Variants in IFT46 observed in about 807,000 individuals in gnomAD.
The protein encoded by IFT46 is intraflagellar transport protein 46 homolog.
Under a neutral mutation model 39.6 loss-of-function variants are expected in IFT46, and 19 were observed. That is an observed-to-expected ratio of 0.48 (90% CI 0.33 to 0.70). The LOEUF is 0.70. IFT46 is among the 30% of genes least tolerant of loss of function. The pLI, the probability that IFT46 is intolerant of heterozygous loss-of-function variation, is 0.01. For missense variants in IFT46, 334 were observed against 364.8 expected (o/e 0.92, Z 0.69); for synonymous variants, 117 against 134.8 (o/e 0.87, Z 0.91).
At chr11:118,561,451 G>C in intron 2 of IFT46, 1 of 792,530 alleles carries the variant, frequency 1.3e-6, no homozygotes, top group Admixed American at 2.0e-5. Flanking sequence ...TCTATGAAAA[G>C]AGGCCCAAGA....
At chr11:118,557,184 AGG>A in intron 3 of IFT46, 139 bp from the exon 4 acceptor site, 1 of 713,184 alleles carries the variant, frequency 1.4e-6, no homozygotes, top group Non-Finnish European at 2.1e-6. Context: ...ACTTCCCAGA[AGG>A]GGCTTGAGAG....
upstream of IFT46, among the ~76,000 whole-genome samples, chr11:118,576,445 AAAAAC>A (rs1173841029): frequency 1.3e-5 from 2 of 148,378 alleles, no homozygotes; most frequent in Non-Finnish European, 3.0e-5. Flanking sequence ...AAAAAAAAAA[AAAAAC>A]CAAAAACTTT....
chr11:118,554,398 G>A (rs918031235), intron 7 of IFT46, 61 bp downstream of exon 7: 4 of 1,495,106 alleles, frequency 2.7e-6, no homozygotes, highest in Non-Finnish European at 3.6e-6. Context: ...ATGAGTGCCA[G>A]CAAGGCCTCC....
chr11:118,568,566 T>A (rs1018987876), upstream of IFT46, among the ~76,000 whole-genome samples: 5 of 151,852 alleles, frequency 3.3e-5, no homozygotes, highest in South Asian at 6.2e-4. Flanking sequence ...AATAAATAAA[T>A]AATAAATAAA....
chr11:118,551,867 G>A lies in IFT46; in HGVS notation c.606-15C>T. 1 of 1,611,662 alleles carries A rather than the reference G, an allele frequency of 6.2e-7. No homozygotes were observed. The highest frequency in any genetic ancestry group is 2.2e-5 in the East Asian group (1 of 44,868). On this transcript the variant is annotated splice_polypyrimidine_tract_variant and intron_variant, in intron 8 of 11. Coordinates refer to ENST00000264021, the MANE Select transcript of IFT46 (RefSeq NM_001168618.2). ...CGGGCATGGGCCTAAAAGTATAAAG[G>A]TAAATATGAACAAGAAACGTGAACT...
At chr11:118,576,426 T>TCA (rs782579401), upstream of IFT46, among the ~76,000 whole-genome samples, 1 of 108,778 alleles carries the variant, frequency 9.2e-6, no homozygotes, top group Non-Finnish European at 1.8e-5. Flanking sequence ...CCAAAAATGT[T>TCA]AAAAAAAAAA....
intron 7 of IFT46, among the ~76,000 whole-genome samples, 165 bp from the exon 8 acceptor site, chr11:118,552,500 C>G (rs782525014): frequency 6.6e-6 from 1 of 152,182 alleles, no homozygotes; most frequent in Non-Finnish European, 1.5e-5. Flanking sequence ...CTGATAAAAT[C>G]TGCTGCAGCC....
exon 1 of IFT46, chr11:118,572,704 G>A: frequency 1.2e-6 from 1 of 869,516 alleles, no homozygotes; most frequent in East Asian, 2.9e-5. Context: ...GGCCTCCTGT[G>A]CCCGGTCTCC....
At chr11:118,560,878 G>A (rs1299217901) in intron 2 of IFT46, 1 of 781,118 alleles carries the variant, frequency 1.3e-6, no homozygotes, top group African/African-American at 1.7e-5. Flanking sequence ...TCATTTGTCA[G>A]ACTGCTTATG....
chr11:118,549,355 T>G (rs1951766849), intron 9 of IFT46, among the ~76,000 whole-genome samples: 1 of 151,918 alleles, frequency 6.6e-6, no homozygotes, highest in Non-Finnish European at 1.5e-5. Flanking sequence ...TTTCCTTTCC[T>G]TATTGATATA....
intron 3 of IFT46, chr11:118,557,372 C>A (rs1457782530): frequency 5.1e-6 from 2 of 395,900 alleles, no homozygotes; most frequent in African/African-American, 4.2e-5. Context: ...TATGGACTTT[C>A]AAAGAAGAGG....
chr11:118,553,737 G>C (rs1172232343), intron 7 of IFT46, among the ~76,000 whole-genome samples: 4 of 152,108 alleles, frequency 2.6e-5, no homozygotes, highest in African/African-American at 9.7e-5. Flanking sequence ...AATAAGAGTG[G>C]ACAGAACTAG....
At chr11:118,570,044 GCT>G (rs1491356644), upstream of IFT46, among the ~76,000 whole-genome samples, 108 of 139,968 alleles carry the variant, frequency 7.7e-4, 2 homozygotes, top group East Asian at 0.011. Flanking sequence ...ACCACGCCCA[GCT>G]TTTTTTTTTT....
At chr11:118,562,478 G>C (rs536169869) in intron 2 of IFT46, among the ~76,000 whole-genome samples, 5 of 152,144 alleles carry the variant, frequency 3.3e-5, no homozygotes, top group Non-Finnish European at 5.9e-5. Context: ...AGTATAATTA[G>C]ATGTAAGGCA....
At chr11:118,563,493 G>A (rs140922326) in intron 2 of IFT46, among the ~76,000 whole-genome samples, 5 of 152,206 alleles carry the variant, frequency 3.3e-5, no homozygotes, top group East Asian at 3.8e-4. Context: ...TTCCTAACTC[G>A]AGTCAAATCC....
chr11:118,573,922 C>T (rs1422841545), upstream of IFT46: 8 of 448,648 alleles, frequency 1.8e-5, no homozygotes, highest in Non-Finnish European at 3.2e-5. Context: ...CCGTTTACAC[C>T]CTGGAATTAA....
chr11:118,554,704 G>T (rs2277292), intron 6 of IFT46, 117 bp from the exon 7 acceptor site: 169,843 of 1,110,990 alleles, frequency 0.15, 16,720 homozygotes, highest in East Asian at 0.45. Context: ...CATGCTGTAC[G>T]CAATACTATC....
Position 118,555,016 on chromosome 11 carries a change from C to A in IFT46, c.328G>T (p.Val110Phe), listed in dbSNP as rs562798455. 2 of 1,613,198 alleles carry A rather than the reference C, an allele frequency of 1.2e-6. No individual in the cohort carries two copies. The highest frequency in any genetic ancestry group is 1.1e-5 in the South Asian group (1 of 91,060). The change falls in exon 6 of 12, where the codon GTC becomes TTC. Residue 110 changes from valine to phenylalanine, a missense_variant. Physicochemically the swap from Val to Phe is conservative, Grantham distance 50. Coordinates refer to ENST00000264021, the MANE Select transcript of IFT46 (RefSeq NM_001168618.2). ...KPFIPDFIPA[V>F]GDIDAFLKVP... is the part of the protein sequence containing the mutation. ...TTTAAGAATGCATCAATATCCCCGA[C>A]AGCTGGGATAAAATCAGGAATGAAA...
At chr11:118,557,911 C>A in intron 3 of IFT46, 1 of 1,554,180 alleles carries the variant, frequency 6.4e-7, no homozygotes, top group Non-Finnish European at 8.7e-7. Flanking sequence ...ACCAATTGGC[C>A]CCCTTTAAAA....
Sources: allele counts gnomAD v4.1 joint callset (sites outside exome capture counted in the v4.1 genomes callset), GRCh38; gene constraint gnomAD v4.1.1; transcripts MANE v1.5; gene names NCBI Gene and HGNC (gene_info 2026-07-23, HGNC 2026-07-21).